The following GMDS variants were observed in gnomAD, a reference collection of about 807,000 sequenced individuals.
GMDS encodes the protein GDP-mannose 4,6-dehydratase.
In GMDS, 20 loss-of-function variants were observed where a neutral mutation model predicts 49.9. The observed-to-expected ratio is 0.40, with a 90% confidence interval of 0.28 to 0.58. The LOEUF (loss-of-function observed/expected upper bound fraction) is 0.58. GMDS is among the 20% of genes least tolerant of loss of function. The pLI, the probability that GMDS is intolerant of heterozygous loss-of-function variation, is 0.42. For synonymous variants in GMDS, 177 were observed against 178.6 expected, an observed-to-expected ratio of 0.99 and a Z score of 0.07; for missense variants, 362 against 481.4, an observed-to-expected ratio of 0.75 and a Z score of 2.32.
intron 7 of GMDS, among the ~76,000 whole-genome samples, chr6:1,878,753 T>C (rs1268877399): frequency 2.0e-5 from 3 of 152,204 alleles, no homozygotes; most frequent in African/African-American, 7.2e-5. Flanking sequence ...TATAGTACAG[T>C]AAGTGATTGG....
At chr6:2,201,570 G>A (rs35354780) in intron 1 of GMDS, among the ~76,000 whole-genome samples, 15 of 118,578 alleles carry the variant, frequency 1.3e-4, no homozygotes, top group East Asian at 2.7e-4. Flanking sequence ...GGCAGTGAGG[G>A]CAGCATGTTA....
In GMDS at chr6:1,961,032, G is replaced by A. The variant is rs116592320; in HGVS notation, c.346-66C>T. On this transcript the variant is annotated intron_variant, in intron 4 of 10. Transcript: ENST00000380815. The stretch of plus-strand genomic sequence containing the variant: ...CATAGCACAAAGGTGCTGTCAGCAG[G>A]AACAAAGACTACAATTTCACACACT... 3.8e-3 allele frequency: 3,286 copies of A among 864,600 alleles called. 71 individuals carry two copies. The African/African-American group carries it at 0.049, about 13-fold the overall frequency. 53.6% of individuals were successfully genotyped at this position (864,600 alleles called of 1,614,324 possible).
chr6:2,139,339 T>C (rs1202802064), intron 1 of GMDS, among the ~76,000 whole-genome samples: 1 of 152,196 alleles, frequency 6.6e-6, no homozygotes, highest in East Asian at 1.9e-4. Context: ...ACTGAATAAA[T>C]TATTTGACAC....
In GMDS at chr6:1,878,720, AAT is replaced by A. The variant is rs1430042239; in HGVS notation, c.771+51381_771+51382del. ...TAAATATAAATATGAAGTATAAATG[AAT>A]AGAGTGTATTTTCTATAGTATATAG... On this transcript the variant is annotated intron_variant, in intron 7 of 10. Transcript: ENST00000380815. 2.0e-5 allele frequency among the ~76,000 whole-genome samples: 3 copies of A among 152,362 alleles called. No homozygotes were observed. In the East Asian group the frequency reaches 5.8e-4, roughly 29 times the overall value.
chr6:1,762,548 T>C (rs1768201357), intron 7 of GMDS, among the ~76,000 whole-genome samples: 1 of 152,246 alleles, frequency 6.6e-6, no homozygotes, highest in Non-Finnish European at 1.5e-5. Flanking sequence ...TACTTATTGA[T>C]CACACAGGGC....
At chr6:2,193,092 A>G (rs1779119904) in intron 1 of GMDS, among the ~76,000 whole-genome samples, 5 of 152,192 alleles carry the variant, frequency 3.3e-5, no homozygotes, top group Admixed American at 3.3e-4. Flanking sequence ...GGGGGATGCT[A>G]CTGGCACTGA....
In GMDS at chr6:1,677,875, A is replaced by G. The variant is rs933470281; in HGVS notation, c.987+48541T>C. Among the ~76,000 whole-genome samples, 28 of 152,150 alleles carry G rather than the reference A, an allele frequency of 1.8e-4. 1 individual carries two copies. The highest frequency in any genetic ancestry group is 1.2e-3 in the Admixed American group (19 of 15,294). ...ACGCGTTAATGGGTACAACACACCA[A>G]CATGGCACATGTCTACATATGTAAC... On this transcript the variant is annotated intron_variant, in intron 9 of 10. Transcript: ENST00000380815.
At chr6:2,068,737 C>G (rs2127456452) in intron 4 of GMDS, among the ~76,000 whole-genome samples, 1 of 152,252 alleles carries the variant, frequency 6.6e-6, no homozygotes, top group African/African-American at 2.4e-5. Flanking sequence ...TCAAGGAAAA[C>G]TACAAGCCAC....
chr6:2,170,450 A>T (rs375020239), intron 1 of GMDS, among the ~76,000 whole-genome samples: 1 of 151,872 alleles, frequency 6.6e-6, no homozygotes, highest in Non-Finnish European at 1.5e-5. Context: ...ACACAGCAAG[A>T]CCCTACCTCT....
intron 8 of GMDS, among the ~76,000 whole-genome samples, chr6:1,731,239 T>C (rs895699506): frequency 6.6e-6 from 1 of 152,112 alleles, no homozygotes; most frequent in African/African-American, 2.4e-5. Context: ...GATAAGAACA[T>C]TAGAGTGCCT....
rs970232391 is a variant in GMDS at position 1,800,617 on chromosome 6, TTTTC to T, written c.772-58035_772-58032del. On this transcript the variant is annotated intron_variant, in intron 7 of 10. Coordinates refer to ENST00000380815, the MANE Select transcript of GMDS (RefSeq NM_001500.4). The stretch of plus-strand genomic sequence containing the variant: ...ATGCCCAATTAATTTTTCTTTTTCT[TTTTC>T]TTTCTTTCTTTTTTTTTTTTTAAGC... 5.9e-4 allele frequency among the ~76,000 whole-genome samples: 77 copies of T among 131,222 alleles called. 1 individual carries two copies. The highest frequency in any genetic ancestry group is 1.7e-3 in the Admixed American group (22 of 13,108). 86.1% of individuals were successfully genotyped at this position (131,222 alleles called of 152,430 possible).
rs889844155 is a variant in GMDS at position 2,066,710 on chromosome 6, C to A, written c.345+49061G>T. Among the ~76,000 whole-genome samples the A allele has an allele frequency of 2.0e-4, 30 of 152,270 alleles. No individual in the cohort carries two copies. The East Asian group carries it at 5.6e-3, about 28-fold the overall frequency. ...AAAGGGATCAATTCAACAAGAAGAGCTAACTATCCTAAATATATATGCGCC... is the reference window on the plus strand; with the variant it reads ...AAAGGGATCAATTCAACAAGAAGAGATAACTATCCTAAATATATATGCGCC... On this transcript the variant is annotated intron_variant, in intron 4 of 10. Coordinates refer to ENST00000380815, the MANE Select transcript of GMDS (RefSeq NM_001500.4).
At chr6:2,182,071 A>T (rs1186803499) in intron 1 of GMDS, among the ~76,000 whole-genome samples, 1 of 152,260 alleles carries the variant, frequency 6.6e-6, no homozygotes, top group Non-Finnish European at 1.5e-5. Context: ...TAAGAAAGTG[A>T]AACAGCCTTA....
At chr6:1,811,739 C>T (rs543980317) in intron 7 of GMDS, among the ~76,000 whole-genome samples, 9 of 152,164 alleles carry the variant, frequency 5.9e-5, no homozygotes, top group Non-Finnish European at 1.0e-4. Flanking sequence ...AGGCACTCCA[C>T]GTTTAATGAC....
At chr6:1,715,763 T>C (rs1455174407) in intron 9 of GMDS, among the ~76,000 whole-genome samples, 1 of 152,232 alleles carries the variant, frequency 6.6e-6, no homozygotes, top group Non-Finnish European at 1.5e-5. Flanking sequence ...TTAAAACTTA[T>C]AATGCAAGCT....
At chr6:2,070,413 TATA>T (rs570610570) in intron 4 of GMDS, among the ~76,000 whole-genome samples, 106 of 151,930 alleles carry the variant, frequency 7.0e-4, no homozygotes, top group Admixed American at 4.3e-3. Context: ...AAACCTAAAG[TATA>T]ATAATAATAA....
chr6:1,790,439 T>G (rs1425247563), intron 7 of GMDS, among the ~76,000 whole-genome samples: 2 of 152,196 alleles, frequency 1.3e-5, no homozygotes, highest in Admixed American at 6.5e-5. Context: ...CTTGTTCAGA[T>G]TCACACAGAA....
chr6:2,020,646 C>T (rs1022750249), intron 4 of GMDS, among the ~76,000 whole-genome samples: 1 of 151,426 alleles, frequency 6.6e-6, no homozygotes, highest in Admixed American at 6.6e-5. Flanking sequence ...ATCAGAGAGC[C>T]CCTTAATGGC....
At chr6:1,964,192 C>G (rs187054446) in intron 4 of GMDS, among the ~76,000 whole-genome samples, 3 of 152,320 alleles carry the variant, frequency 2.0e-5, no homozygotes, top group Admixed American at 2.0e-4. Context: ...CATCAAGTGT[C>G]TGTACTCAAA....
Sources: gnomAD v4.1 joint callset for allele counts (sites outside exome capture counted in the v4.1 genomes callset) on GRCh38, gnomAD v4.1.1 for gene constraint, MANE v1.5 for transcripts, NCBI Gene and HGNC (gene_info 2026-07-23, HGNC 2026-07-21) for gene names.